Variants in RANBP3L observed in about 807,000 individuals in gnomAD.
RANBP3L encodes the protein RAN binding protein 3 like.
A neutral mutation model predicts 67.2 loss-of-function variants in RANBP3L; 56 were observed. The observed-to-expected ratio is 0.83, with a 90% confidence interval of 0.67 to 1.04. The LOEUF is 1.04. Among genes scored for constraint, RANBP3L ranks in the 50% least tolerant of loss-of-function variants. RANBP3L has a pLI of 0.00. For missense variants in RANBP3L, 496 were observed against 535.5 expected, an observed-to-expected ratio of 0.93 and a Z score of 0.73; for synonymous variants, 164 against 181.4, an observed-to-expected ratio of 0.90 and a Z score of 0.77.
chr5:36,279,501 G>A (rs984019702), intron 1 of RANBP3L, among the ~76,000 whole-genome samples: 2 of 152,134 alleles, frequency 1.3e-5, no homozygotes, highest in African/African-American at 4.8e-5. Flanking sequence ...CAATTTGAAG[G>A]TAAGATAACG....
At chr5:36,269,288 A>T in intron 4 of RANBP3L, 102 bp downstream of exon 4, 1 of 725,840 alleles carries the variant, frequency 1.4e-6, no homozygotes, top group South Asian at 1.7e-5. Flanking sequence ...AACACTATTC[A>T]GCTGGCAAGC....
intron 12 of RANBP3L, among the ~76,000 whole-genome samples, chr5:36,252,142 A>C (rs750755904): frequency 3.3e-5 from 5 of 152,122 alleles, no homozygotes; most frequent in Non-Finnish European, 7.4e-5. Flanking sequence ...TAAGCAGCAC[A>C]GGTATTAAAT....
rs554044360 is a variant in RANBP3L at position 36,252,827 on chromosome 5, A to C, written c.1167+820T>G. Among the ~76,000 whole-genome samples, 33 of 152,134 alleles carry C rather than the reference A, an allele frequency of 2.2e-4. 1 individual carries two copies. In the South Asian group the frequency reaches 6.8e-3, roughly 32 times the overall value. On this transcript the variant is annotated intron_variant, in intron 12 of 13. Transcript: ENST00000296604. Reference sequence around the variant, plus strand: ...CCAGAACATTTTAATGCTCAATATCACTTACACCTAACAGTACACTTACTG... The same window carrying C: ...CCAGAACATTTTAATGCTCAATATCCCTTACACCTAACAGTACACTTACTG...
chr5:36,251,936 G>A (rs1159711942), intron 12 of RANBP3L, among the ~76,000 whole-genome samples: 1 of 151,954 alleles, frequency 6.6e-6, no homozygotes, highest in African/African-American at 2.4e-5. Context: ...GCAGTCTATG[G>A]TATTGTACCA....
chr5:36,257,241 A>T (rs371883079), intron 9 of RANBP3L, among the ~76,000 whole-genome samples, 170 bp from the exon 10 acceptor site: 6 of 152,174 alleles, frequency 3.9e-5, no homozygotes, highest in African/African-American at 1.4e-4. Context: ...ATTCCCCCAT[A>T]GCATTAACTC....
At chr5:36,299,946 T>C (rs140465343) in intron 1 of RANBP3L, among the ~76,000 whole-genome samples, 393 of 152,304 alleles carry the variant, frequency 2.6e-3, no homozygotes, top group Non-Finnish European at 3.9e-3. Context: ...TACAAGTGCA[T>C]AGAAGAAAAG....
chr5:36,298,248 C>T (rs576592753), intron 1 of RANBP3L, among the ~76,000 whole-genome samples: 3 of 149,840 alleles, frequency 2.0e-5, no homozygotes, highest in Non-Finnish European at 3.0e-5. Flanking sequence ...TGCAGTGAGC[C>T]GAGATCATGC....
In RANBP3L at chr5:36,253,802, G is replaced by A. The variant is rs538341542; in HGVS notation, c.1025-13C>T. On this transcript the variant is annotated splice_polypyrimidine_tract_variant and intron_variant, in intron 11 of 13. Transcript: ENST00000296604. ...TGATTGCGCATAACTAAAATAGGAA[G>A]GTGACTACATCAGGCCACAGAACAG... 1 of 1,611,240 alleles carries A rather than the reference G, an allele frequency of 6.2e-7. No individual in the cohort carries two copies. Among genetic ancestry groups the A allele is most frequent in the East Asian group, 2.2e-5 (1 of 44,800 alleles).
At chr5:36,276,585 A>G (rs1418466696) in intron 1 of RANBP3L, among the ~76,000 whole-genome samples, 2 of 151,536 alleles carry the variant, frequency 1.3e-5, no homozygotes, top group Admixed American at 6.6e-5. Context: ...AATGTTTACA[A>G]TAAACTTTTT....
intron 1 of RANBP3L, among the ~76,000 whole-genome samples, chr5:36,297,331 G>T (rs914293607): frequency 5.9e-5 from 9 of 151,862 alleles, no homozygotes; most frequent in Non-Finnish European, 1.2e-4. Flanking sequence ...AAGAGGAAGG[G>T]TTGATCTTGC....
At chr5:36,285,702 T>A (rs992569359) in intron 1 of RANBP3L, among the ~76,000 whole-genome samples, 2 of 152,312 alleles carry the variant, frequency 1.3e-5, no homozygotes, top group African/African-American at 2.4e-5. Context: ...AATTTGTACC[T>A]CAGGTATGGT....
At chr5:36,300,029 G>C (rs371543613) in intron 1 of RANBP3L, among the ~76,000 whole-genome samples, 3 of 152,146 alleles carry the variant, frequency 2.0e-5, no homozygotes, top group East Asian at 3.9e-4. Context: ...ACTTCTTTAG[G>C]CTCACCCCCA....
chr5:36,254,328 G>T (rs1748812070), intron 11 of RANBP3L, among the ~76,000 whole-genome samples: 1 of 151,882 alleles, frequency 6.6e-6, no homozygotes, highest in South Asian at 2.1e-4. Context: ...GAAAACAAAG[G>T]CCAGAAAAAT....
At chr5:36,288,582 A>G (rs529067313) in intron 1 of RANBP3L, among the ~76,000 whole-genome samples, 1 of 152,306 alleles carries the variant, frequency 6.6e-6, no homozygotes, top group Admixed American at 6.5e-5. Flanking sequence ...GGTTTTTACC[A>G]CTTTCCAGCA....
At chr5:36,298,355 T>C (rs1191614756) in intron 1 of RANBP3L, among the ~76,000 whole-genome samples, 2 of 151,296 alleles carry the variant, frequency 1.3e-5, no homozygotes, top group Admixed American at 6.6e-5. Flanking sequence ...TAGTCACGCC[T>C]ACAGAAGTGT....
chr5:36,295,103 G>A (rs1181209134), intron 1 of RANBP3L, among the ~76,000 whole-genome samples: 1 of 151,932 alleles, frequency 6.6e-6, no homozygotes, highest in African/African-American at 2.4e-5. Context: ...ACAAGTATCT[G>A]TTTGAATCCC....
At chr5:36,265,554 C>G (rs1229890296) in intron 4 of RANBP3L, 34 bp from the exon 5 acceptor site, 1 of 1,276,750 alleles carries the variant, frequency 7.8e-7, no homozygotes, top group Non-Finnish European at 1.1e-6. Flanking sequence ...TTTTTAAATA[C>G]AGAAGAGTGT....
chr5:36,266,163 G>A (rs985845537), intron 4 of RANBP3L, among the ~76,000 whole-genome samples: 4 of 151,850 alleles, frequency 2.6e-5, no homozygotes, highest in African/African-American at 9.7e-5. Flanking sequence ...TGAACCCTCC[G>A]GCATTAATAT....
In RANBP3L at chr5:36,269,382, A is replaced by G; in HGVS notation, c.268+8T>C. 2 of 1,490,702 alleles carry G rather than the reference A, an allele frequency of 1.3e-6. No individual in the cohort carries two copies. The highest frequency in any genetic ancestry group is 1.9e-6 in the Non-Finnish European group (2 of 1,067,526). 92.3% of individuals were successfully genotyped at this position (1,490,702 alleles called of 1,614,324 possible). ...CAGTGAATAGTCAACAGTCAAGGCT[A>G]TACATACCTCCCTGGGACTGAGAAT... On this transcript the variant is annotated splice_region_variant and intron_variant, in intron 4 of 13. Coordinates refer to ENST00000296604, the MANE Select transcript of RANBP3L (RefSeq NM_145000.5).
Sources: gnomAD v4.1 joint callset for allele counts (sites outside exome capture counted in the v4.1 genomes callset) on GRCh38, gnomAD v4.1.1 for gene constraint, MANE v1.5 for transcripts, NCBI Gene and HGNC (gene_info 2026-07-23, HGNC 2026-07-21) for gene names.